Variants in MGAT5B observed in about 807,000 individuals in gnomAD.
MGAT5B encodes the protein N-acetylglucosaminyl-transferase Vb.
In MGAT5B, 54 loss-of-function variants were observed where a neutral mutation model predicts 95.1. The ratio of observed to expected loss-of-function variants is 0.57; its 90% CI spans 0.46 to 0.71. The LOEUF (loss-of-function observed/expected upper bound fraction) is 0.71. Among genes scored for constraint, MGAT5B ranks in the 30% least tolerant of loss-of-function variants. The pLI, the probability that MGAT5B is intolerant of heterozygous loss-of-function variation, is 0.00. For missense variants in MGAT5B, 935 were observed against 1,088.6 expected (o/e 0.86, Z 1.99); for synonymous variants, 464 against 451.0 (o/e 1.03, Z -0.36).
At chr17:76,927,130 G>A (rs911220882) in intron 10 of MGAT5B, among the ~76,000 whole-genome samples, 2 of 152,200 alleles carry the variant, frequency 1.3e-5, no homozygotes, top group South Asian at 2.1e-4. Context: ...GGGAACAGAT[G>A]CAGTAAAGAG....
intron 3 of MGAT5B, among the ~76,000 whole-genome samples, chr17:76,887,927 C>G (rs1439012732): frequency 1.3e-5 from 2 of 152,112 alleles, no homozygotes. Context: ...TCATGGCCCC[C>G]CAGCTCACTC....
At chr17:76,934,832 G>A (rs1011788952) in intron 12 of MGAT5B, among the ~76,000 whole-genome samples, 9 of 152,304 alleles carry the variant, frequency 5.9e-5, no homozygotes, top group Admixed American at 1.3e-4. Context: ...ACCAAAGGAA[G>A]TCAGAGGTGG....
intron 3 of MGAT5B, among the ~76,000 whole-genome samples, chr17:76,888,704 G>A (rs1967756227): frequency 6.6e-6 from 1 of 152,160 alleles, no homozygotes; most frequent in African/African-American, 2.4e-5. Flanking sequence ...GAGCCTCAGG[G>A]GCCTCTTTGA....
chr17:76,924,359 C>T (rs60885509), intron 8 of MGAT5B: 4,206 of 152,688 alleles, frequency 0.028, 152 homozygotes, highest in African/African-American at 0.086. Flanking sequence ...GGCCAAGCTG[C>T]GTCTTCCAGG....
intron 8 of MGAT5B, among the ~76,000 whole-genome samples, chr17:76,911,589 C>T (rs758014718): frequency 1.3e-5 from 2 of 152,226 alleles, no homozygotes; most frequent in South Asian, 2.1e-4. Context: ...GATGTACTTT[C>T]TTCCTTCTTC....
At chr17:76,934,341 G>A (rs1253202585) in intron 12 of MGAT5B, among the ~76,000 whole-genome samples, 1 of 152,146 alleles carries the variant, frequency 6.6e-6, no homozygotes, top group African/African-American at 2.4e-5. Context: ...AGTAAGCGCC[G>A]AGCTGATGTT....
intron 1 of MGAT5B, chr17:76,872,529 G>A (rs1967045408): frequency 1.3e-6 from 1 of 767,164 alleles, no homozygotes. Context: ...GCTCGTCTGG[G>A]GACTGCACTT....
Position 76,948,047 on chromosome 17 carries a change from CCTT to C in MGAT5B, c.2146_2148del (p.Phe716del). 1.2e-6 allele frequency: 2 copies of C among 1,611,958 alleles called. No homozygotes were observed. The highest frequency in any genetic ancestry group is 1.7e-6 in the Non-Finnish European group (2 of 1,178,992). On this transcript the variant is annotated inframe_deletion, in exon 17 of 18. Transcript: ENST00000569840. Reference sequence around the variant, plus strand: ...GACCACGGGCTAATCTGTGAGCCCTCCTTCTTCCCCTTCCTGAACAGCCAGGAC... The same window carrying C: ...GACCACGGGCTAATCTGTGAGCCCTCCTTCCCCTTCCTGAACAGCCAGGAC...
intron 15 of MGAT5B, among the ~76,000 whole-genome samples, chr17:76,945,231 C>T (rs1167825899): frequency 6.6e-6 from 1 of 152,192 alleles, no homozygotes; most frequent in Non-Finnish European, 1.5e-5. Context: ...GTTTCTTTTA[C>T]CCAAGCTACT....
rs569087304 is a variant in MGAT5B, at chr17:76,869,967, G to A, written c.68+870G>A. Among the ~76,000 whole-genome samples, 517 of 152,292 alleles carry A rather than the reference G, an allele frequency of 3.4e-3. 1 individual carries two copies. The highest frequency in any genetic ancestry group is 0.012 in the African/African-American group (494 of 41,572). The stretch of plus-strand genomic sequence containing the variant: ...GGGTGGGGAGGGGGCGCTGCCCAGT[G>A]GACGCCCGGCGGGGCCCGAGTGTCA... On this transcript the variant is annotated intron_variant, in intron 1 of 17. Transcript: ENST00000569840. The surrounding 1 kb of genome is among the most constrained non-coding windows in gnomAD (Gnocchi z 7.0).
In MGAT5B at chr17:76,950,195, G is replaced by A. The variant is rs1206909454; in HGVS notation, c.*1357G>A. The A allele has an allele frequency of 6.6e-6, 1 of 152,618 alleles. No homozygotes were observed. Among genetic ancestry groups the A allele is most frequent in the Non-Finnish European group, 1.5e-5 (1 of 68,062 alleles). 9.5% of individuals were successfully genotyped at this position (152,618 alleles called of 1,614,324 possible). A position where few individuals can be genotyped will look rare whatever the true frequency, so the allele number is the denominator to read the frequency against. On this transcript the variant is annotated 3_prime_UTR_variant, in exon 18 of 18. Coordinates refer to ENST00000569840, the MANE Select transcript of MGAT5B (RefSeq NM_001199172.2). The stretch of plus-strand genomic sequence containing the variant: ...GAGAGTTGGTGGAGGGGCCAGGCTG[G>A]ACGCTTCCTGTGGGAGTCCCCTCCA...
intron 9 of MGAT5B, among the ~76,000 whole-genome samples, chr17:76,926,372 AT>A (rs1359219815): frequency 6.6e-6 from 1 of 152,154 alleles, no homozygotes; most frequent in East Asian, 1.9e-4. Context: ...CCCTGAGACA[AT>A]TGGGCTGTTG....
At chr17:76,943,093 C>G (rs920853) in intron 15 of MGAT5B, among the ~76,000 whole-genome samples, 83,121 of 151,628 alleles carry the variant, frequency 0.55, 23,173 homozygotes, top group African/African-American at 0.62. Flanking sequence ...GAAGGTGCTG[C>G]GATAGTCGCG....
chr17:76,878,279 C>T (rs1186844734), intron 2 of MGAT5B, among the ~76,000 whole-genome samples: 1 of 152,090 alleles, frequency 6.6e-6, no homozygotes, highest in East Asian at 1.9e-4. Context: ...GGGCTGTCTC[C>T]CCAGGTCTCA....
rs1406077900 is a variant in MGAT5B at position 76,940,227 on chromosome 17, G to T, written c.1585-175G>T. On this transcript the variant is annotated intron_variant, in intron 13 of 17. Coordinates refer to ENST00000569840, the MANE Select transcript of MGAT5B (RefSeq NM_001199172.2). This position sits in a 1 kb window ranked among gnomAD's most constrained non-coding sequence, Gnocchi z 4.3. Reference sequence around the variant, plus strand: ...TTGCCCGTGGCACAAGATGTTCTGGGCTGGCTTTTCCAGCCCTGTTATAGC... The same window carrying T: ...TTGCCCGTGGCACAAGATGTTCTGGTCTGGCTTTTCCAGCCCTGTTATAGC... Among the ~76,000 whole-genome samples the T allele has an allele frequency of 6.6e-6, 1 of 152,170 alleles. No homozygotes were observed. The highest frequency in any genetic ancestry group is 2.4e-5 in the African/African-American group (1 of 41,436).
At chr17:76,891,351 A>T (rs933053747) in intron 3 of MGAT5B, among the ~76,000 whole-genome samples, 3 of 151,708 alleles carry the variant, frequency 2.0e-5, no homozygotes, top group African/African-American at 7.3e-5. Context: ...ACCTCCTAAT[A>T]CCATCACATT....
In MGAT5B at chr17:76,946,408, C is replaced by G; in HGVS notation, c.1881C>G (p.Cys627Trp). ...VDPYLPYEYT[C>W]EGMLERIHAY... Reference sequence around the variant, plus strand: ...CCTACCTACCCTACGAGTACACCTGCGAGGGGATGCTGGAGCGGATCCACG... The same window carrying G: ...CCTACCTACCCTACGAGTACACCTGGGAGGGGATGCTGGAGCGGATCCACG... Residue 627 changes from cysteine to tryptophan, a missense_variant, in exon 16 of 18, where the codon TGC becomes TGG. Coordinates refer to ENST00000569840, the MANE Select transcript of MGAT5B (RefSeq NM_001199172.2). 6.2e-7 allele frequency: 1 copy of G among 1,606,678 alleles called. No homozygotes were observed. The highest frequency in any genetic ancestry group is 8.5e-7 in the Non-Finnish European group (1 of 1,176,200).
chr17:76,885,517 C>G (rs1273065554), intron 3 of MGAT5B, among the ~76,000 whole-genome samples: 1 of 152,188 alleles, frequency 6.6e-6, no homozygotes, highest in Non-Finnish European at 1.5e-5. Flanking sequence ...TCCAGTGTTT[C>G]TCTGATTTTT....
chr17:76,943,494 A>G (rs1257474719), intron 15 of MGAT5B, among the ~76,000 whole-genome samples: 1 of 152,046 alleles, frequency 6.6e-6, no homozygotes, highest in Non-Finnish European at 1.5e-5. Context: ...GCACCTTCCC[A>G]TTTAATAGGA....
Sources: gnomAD v4.1 joint callset for allele counts (sites outside exome capture counted in the v4.1 genomes callset) on GRCh38, gnomAD v4.1.1 for gene constraint, Gnocchi (gnomAD v3.1) non-coding constraint, MANE v1.5 for transcripts, NCBI Gene and HGNC (gene_info 2026-07-23, HGNC 2026-07-21) for gene names.